The following WNK1 variants were observed in gnomAD, a reference collection of about 807,000 sequenced individuals.
WNK1 encodes the protein serine/threonine-protein kinase WNK1.
WNK1 carries 38 observed loss-of-function variants against 222.8 expected under a neutral mutation model. The observed-to-expected ratio is 0.17, with a 90% CI of 0.13 to 0.22. WNK1 has a LOEUF of 0.22. Among genes scored for constraint, WNK1 ranks in the 10% least tolerant of loss-of-function variants. The pLI is 1.00. For synonymous variants in WNK1, 1,090 were observed against 1,092.9 expected, an observed-to-expected ratio of 1.00 and a Z score of 0.05; for missense variants, 2,348 against 2,918.4, an observed-to-expected ratio of 0.80 and a Z score of 4.50.
Position 880,758 on chromosome 12 carries a change from A to T in WNK1, c.2870A>T (p.Asp957Val). 1 of 1,613,164 alleles carries T rather than the reference A, an allele frequency of 6.2e-7. No individual in the cohort carries two copies. Among genetic ancestry groups the T allele is most frequent in the Admixed American group, 1.7e-5 (1 of 59,864 alleles). ...CGACTGCCACCACAGTACCCAGGAGATTCAAATATTGCTCCCTCTTCCAAC... is the reference window on the plus strand; with the variant it reads ...CGACTGCCACCACAGTACCCAGGAGTTTCAAATATTGCTCCCTCTTCCAAC... Reference protein sequence around the residue: ...PPRLPPQYPGDSNIAPSSNVA... With the variant: ...PPRLPPQYPGVSNIAPSSNVA... The change falls in exon 12 of 28, where the codon GAT (aspartate) becomes GTT (valine). Residue 957 changes from aspartate (D) to valine (V), a missense_variant. This residue lies in a region of WNK1 where 547 missense variants were observed against 558.3 expected (regional missense o/e 0.98). Coordinates refer to ENST00000315939, the MANE Select transcript of WNK1 (RefSeq NM_018979.4).
rs989651174 is a variant in WNK1 at position 888,532 on chromosome 12, A to C, written c.5365-608A>C. Among the ~76,000 whole-genome samples, 25 of 152,332 alleles carry C rather than the reference A, an allele frequency of 1.6e-4. 1 individual carries two copies. The highest frequency in any genetic ancestry group is 6.0e-4 in the African/African-American group (25 of 41,562). On this transcript the variant is annotated intron_variant, in intron 20 of 27. Coordinates refer to ENST00000315939, the MANE Select transcript of WNK1 (RefSeq NM_018979.4). Reference sequence around the variant, plus strand: ...GTGCAAGAATAGATTGATAGAAGCCAAGACAGATGTAGGATTAGACTGTGG... The same window carrying C: ...GTGCAAGAATAGATTGATAGAAGCCCAGACAGATGTAGGATTAGACTGTGG...
At chr12:904,440 C>T (rs1226149440) in intron 26 of WNK1, 1 of 1,288,924 alleles carries the variant, frequency 7.8e-7, no homozygotes, top group Non-Finnish European at 1.0e-6. Flanking sequence ...TTGCTTCTCT[C>T]TTTGTGCTTC....
chr12:841,483 C>T (rs987454716), intron 4 of WNK1, among the ~76,000 whole-genome samples: 1 of 152,218 alleles, frequency 6.6e-6, no homozygotes, highest in South Asian at 2.1e-4. Flanking sequence ...ATATATACTA[C>T]ATTTTGTTCT....
intron 4 of WNK1, among the ~76,000 whole-genome samples, chr12:835,492 G>A (rs1028611348): frequency 6.6e-6 from 1 of 152,142 alleles, no homozygotes; most frequent in Non-Finnish European, 1.5e-5. Context: ...AATTTTACTT[G>A]GTGTATTTTC....
At chr12:806,027 G>C (rs889108916) in intron 1 of WNK1, among the ~76,000 whole-genome samples, 2 of 152,150 alleles carry the variant, frequency 1.3e-5, no homozygotes, top group Admixed American at 1.3e-4. Flanking sequence ...TTCAGCCTGT[G>C]AAACATATTC....
At chr12:886,163 C>T in intron 19 of WNK1, 79 bp downstream of exon 19, 1 of 1,256,364 alleles carries the variant, frequency 8.0e-7, no homozygotes, top group South Asian at 1.5e-5. Context: ...TTCACTTCAG[C>T]CTTGTAAGTT....
chr12:895,072 A>G (rs1050005116), intron 23 of WNK1, among the ~76,000 whole-genome samples: 1 of 152,246 alleles, frequency 6.6e-6, no homozygotes, highest in African/African-American at 2.4e-5. Flanking sequence ...ATCTTTGTGT[A>G]TAAAAATGTT....
chr12:826,168 G>A (rs763249424), intron 2 of WNK1, among the ~76,000 whole-genome samples: 8 of 152,222 alleles, frequency 5.3e-5, no homozygotes, highest in Non-Finnish European at 1.0e-4. Context: ...TGGAAATGTT[G>A]TATAACGTAC....
At chr12:782,485 T>C (rs1020826874) in intron 1 of WNK1, among the ~76,000 whole-genome samples, 1 of 152,186 alleles carries the variant, frequency 6.6e-6, no homozygotes, top group Non-Finnish European at 1.5e-5. Context: ...TACTCTGCGG[T>C]TCCTAAGTCT....
intron 14 of WNK1, among the ~76,000 whole-genome samples, chr12:882,370 T>C (rs1953248252): frequency 6.6e-6 from 1 of 152,134 alleles, no homozygotes; most frequent in African/African-American, 2.4e-5. Context: ...GGCTAGTTTT[T>C]GTATTTTTAG....
chr12:791,914 C>G (rs957616631), intron 1 of WNK1, among the ~76,000 whole-genome samples: 1 of 152,120 alleles, frequency 6.6e-6, no homozygotes, highest in Non-Finnish European at 1.5e-5. Flanking sequence ...ACTTCCCAGA[C>G]TCCAATAGGG....
intron 1 of WNK1, among the ~76,000 whole-genome samples, chr12:807,006 C>T (rs757321680): frequency 6.6e-6 from 1 of 152,058 alleles, no homozygotes; most frequent in Non-Finnish European, 1.5e-5. Context: ...TGGGCTAGAT[C>T]TCCCTATAAA....
chr12:773,839 C>T (rs1309036280), intron 1 of WNK1, among the ~76,000 whole-genome samples: 1 of 152,090 alleles, frequency 6.6e-6, no homozygotes, highest in African/African-American at 2.4e-5. Context: ...TTGACAGTTC[C>T]TTATGTGCAT....
At chr12:868,204 A>G (rs1951841978) in intron 8 of WNK1, 7 of 1,613,374 alleles carry the variant, frequency 4.3e-6, no homozygotes, top group Non-Finnish European at 5.9e-6. Context: ...AACCATCTCA[A>G]GTTTACAGTG....
At chr12:804,852 T>C (rs1946215143) in intron 1 of WNK1, among the ~76,000 whole-genome samples, 1 of 151,204 alleles carries the variant, frequency 6.6e-6, no homozygotes, top group Non-Finnish European at 1.5e-5. Flanking sequence ...TAGCTTAATG[T>C]TCTCAAGGTT....
chr12:780,655 A>G (rs2153966969), intron 1 of WNK1, among the ~76,000 whole-genome samples: 1 of 152,314 alleles, frequency 6.6e-6, no homozygotes, highest in South Asian at 2.1e-4. Context: ...GTTATTGAAA[A>G]CCAAATAGGA....
At chr12:831,646 AT>A (rs1948803279) in intron 4 of WNK1, among the ~76,000 whole-genome samples, 1 of 152,166 alleles carries the variant, frequency 6.6e-6, no homozygotes, top group Admixed American at 6.5e-5. Flanking sequence ...GTTTTGGAAA[AT>A]ACTGACTTTT....
At position 897,603 on chromosome 12, in the gene WNK1, AGAC is replaced by A; in HGVS notation, c.6377_6379del (p.Arg2126del). On this transcript the variant is annotated inframe_deletion, in exon 25 of 28. Coordinates refer to ENST00000315939, the MANE Select transcript of WNK1 (RefSeq NM_018979.4). ...CCCAGCTGCTCCCCTTTCAGGGAGA[AGAC>A]GACGACCCACTAAAAGCAAAGGCAG... 3 of 1,614,170 alleles carry A rather than the reference AGAC, an allele frequency of 1.9e-6. No individual in the cohort carries two copies. Among genetic ancestry groups the A allele is most frequent in the Non-Finnish European group, 2.5e-6 (3 of 1,180,040 alleles).
Position 911,297 on chromosome 12 carries a change from C to G in WNK1, c.*2505C>G, listed in dbSNP as rs1243884107. 1 of 398,432 alleles carries G rather than the reference C, an allele frequency of 2.5e-6. No homozygotes were observed. Among genetic ancestry groups the G allele is most frequent in the Non-Finnish European group, 4.4e-6 (1 of 226,050 alleles). The allele number at this position is 398,432 out of a possible 1,614,324, so 24.7% of individuals were successfully genotyped here. Reference sequence around the variant, plus strand: ...ACTGTTAAAAATAAAAATAAAAATTCAAACTTTGGGGGTTTCTCAGCAGCC... The same window carrying G: ...ACTGTTAAAAATAAAAATAAAAATTGAAACTTTGGGGGTTTCTCAGCAGCC... On this transcript the variant is annotated 3_prime_UTR_variant, in exon 28 of 28. Transcript: ENST00000315939.
Sources: gnomAD v4.1 joint callset for allele counts (sites outside exome capture counted in the v4.1 genomes callset) on GRCh38, gnomAD v4.1.1 for gene constraint, gnomAD v4.1.1 regional missense constraint, MANE v1.5 for transcripts, NCBI Gene and HGNC (gene_info 2026-07-23, HGNC 2026-07-21) for gene names.